The following LEKR1 variants were observed in gnomAD, a reference collection of about 807,000 sequenced individuals.
LEKR1 encodes leucine, glutamate and lysine rich 1, also known as protein LEKR1.
LEKR1 carries 59 observed loss-of-function variants against 72.4 expected under a neutral mutation model. The ratio of observed to expected loss-of-function variants is 0.82; its 90% CI spans 0.66 to 1.01. The LOEUF (loss-of-function observed/expected upper bound fraction) is 1.01. Among genes scored for constraint, LEKR1 ranks in the 50% least tolerant of loss-of-function variants. LEKR1 has a pLI of 0.00. For synonymous variants in LEKR1, 257 were observed against 263.2 expected (o/e 0.98, Z 0.23); for missense variants, 728 against 759.2 (o/e 0.96, Z 0.48).
intron 3 of LEKR1, among the ~76,000 whole-genome samples, chr3:156,883,028 G>A (rs1356621746): frequency 3.9e-5 from 6 of 152,192 alleles, no homozygotes; most frequent in Middle Eastern, 3.4e-3. Context: ...GGGAGAGATA[G>A]CATTGGGATA....
intron 10 of LEKR1, among the ~76,000 whole-genome samples, chr3:157,019,061 A>G (rs1733605092): frequency 6.6e-6 from 1 of 152,218 alleles, no homozygotes; most frequent in Non-Finnish European, 1.5e-5. Context: ...ATTTGCAATC[A>G]GTATTCATTT....
intron 3 of LEKR1, among the ~76,000 whole-genome samples, chr3:156,884,905 A>G (rs1576740486): frequency 6.6e-6 from 1 of 152,182 alleles, no homozygotes; most frequent in African/African-American, 2.4e-5. Context: ...TTCTTCCTCA[A>G]GAGCACCAAT....
At chr3:156,958,797 C>T (rs934238214) in intron 6 of LEKR1, among the ~76,000 whole-genome samples, 5 of 152,134 alleles carry the variant, frequency 3.3e-5, no homozygotes, top group African/African-American at 1.2e-4. Context: ...TAGCTTCACA[C>T]TGGTTTTATA....
chr3:157,004,253 G>A (rs373225011), intron 9 of LEKR1, among the ~76,000 whole-genome samples: 144 of 152,242 alleles, frequency 9.5e-4, no homozygotes, highest in African/African-American at 3.4e-3. Flanking sequence ...ATAATGATAA[G>A]TAGGTCAACT....
In LEKR1 at chr3:157,045,322, T is replaced by TC. The variant is rs1418985364; in HGVS notation, c.1669-14dup. ...GTTTAAAGCTAAGTCTGCTTTCTTT[T>TC]CCCCTCTCTCTTTTCAGAATACTTT... On this transcript the variant is annotated splice_polypyrimidine_tract_variant and intron_variant, in intron 12 of 12. Transcript: ENST00000356539. The TC allele has an allele frequency of 6.3e-7, 1 of 1,592,358 alleles. No individual in the cohort carries two copies. The highest frequency in any genetic ancestry group is 8.6e-7 in the Non-Finnish European group (1 of 1,167,786).
intron 2 of LEKR1, among the ~76,000 whole-genome samples, chr3:156,839,930 C>G (rs1195029928): frequency 6.6e-6 from 1 of 152,100 alleles, no homozygotes; most frequent in East Asian, 1.9e-4. Flanking sequence ...CCAAGCGTGC[C>G]TGTCTTTTTT....
chr3:156,936,425 GAA>G (rs1725703947), intron 5 of LEKR1, among the ~76,000 whole-genome samples: 1 of 100,170 alleles, frequency 1.0e-5, no homozygotes, highest in Admixed American at 1.1e-4. Context: ...TGTACAATGA[GAA>G]CACACACACA....
At chr3:156,918,865 T>G (rs573660856) in intron 3 of LEKR1, among the ~76,000 whole-genome samples, 4 of 152,216 alleles carry the variant, frequency 2.6e-5, no homozygotes, top group Admixed American at 1.3e-4. Flanking sequence ...TGTTACAGTT[T>G]GGATGTGGTT....
At chr3:156,892,108 G>T (rs151202533) in intron 3 of LEKR1, among the ~76,000 whole-genome samples, 6 of 152,100 alleles carry the variant, frequency 3.9e-5, no homozygotes, top group Non-Finnish European at 8.8e-5. Context: ...TTGAATTCAG[G>T]CCTGAAGTCA....
chr3:157,000,090 A>G (rs960000748), intron 9 of LEKR1, among the ~76,000 whole-genome samples: 7 of 152,118 alleles, frequency 4.6e-5, no homozygotes, highest in Non-Finnish European at 8.8e-5. Flanking sequence ...GCAGAAAGCA[A>G]CGCTCTTTTT....
At chr3:156,844,468 C>T (rs1270814221) in intron 2 of LEKR1, among the ~76,000 whole-genome samples, 1 of 152,120 alleles carries the variant, frequency 6.6e-6, no homozygotes, top group African/African-American at 2.4e-5. Context: ...TTCATCACAA[C>T]AAGGATTTTT....
At chr3:156,911,430 A>G (rs2108568562) in intron 3 of LEKR1, among the ~76,000 whole-genome samples, 1 of 152,144 alleles carries the variant, frequency 6.6e-6, no homozygotes, top group Non-Finnish European at 1.5e-5. Context: ...TAGTTTGTGA[A>G]TGTTTTCTCC....
chr3:156,917,333 C>T (rs914047285), intron 3 of LEKR1, among the ~76,000 whole-genome samples: 12 of 152,024 alleles, frequency 7.9e-5, no homozygotes, highest in African/African-American at 2.9e-4. Flanking sequence ...ATCATTCTCC[C>T]TAGGGTAAAT....
chr3:156,898,515 G>A (rs763029111), intron 3 of LEKR1, among the ~76,000 whole-genome samples: 5 of 152,138 alleles, frequency 3.3e-5, no homozygotes, highest in Admixed American at 6.5e-5. Flanking sequence ...ACCAGACACC[G>A]GACCTGCCGG....
At chr3:156,970,225 C>T (rs1729035788) in intron 6 of LEKR1, among the ~76,000 whole-genome samples, 1 of 152,150 alleles carries the variant, frequency 6.6e-6, no homozygotes, top group South Asian at 2.1e-4. Flanking sequence ...ACAGGGATGC[C>T]CTCTCTCACC....
intron 10 of LEKR1, among the ~76,000 whole-genome samples, chr3:157,020,398 G>A (rs9756110): frequency 0.6 from 80,006 of 132,722 alleles, 24,977 homozygotes; most frequent in South Asian, 0.78. Flanking sequence ...ATTTAGCATT[G>A]GGTATATCTC....
intron 3 of LEKR1, among the ~76,000 whole-genome samples, chr3:156,853,755 A>G (rs1002004476): frequency 2.6e-5 from 4 of 152,058 alleles, no homozygotes; most frequent in Admixed American, 1.3e-4. Context: ...GTTGAGCCAG[A>G]TATTTCTTAG....
intron 7 of LEKR1, among the ~76,000 whole-genome samples, chr3:156,981,799 T>G (rs577175438): frequency 6.6e-6 from 1 of 152,342 alleles, no homozygotes; most frequent in African/African-American, 2.4e-5. Flanking sequence ...AAACAGTTCA[T>G]TCAAAAAATT....
At chr3:156,924,697 T>TAGCCA in intron 4 of LEKR1, 1 of 418,808 alleles carries the variant, frequency 2.4e-6, no homozygotes, top group Non-Finnish European at 4.2e-6. Flanking sequence ...GTGCTGTTTG[T>TAGCCA]TAGAGGCCAA....
Sources: gnomAD v4.1 joint callset for allele counts (sites outside exome capture counted in the v4.1 genomes callset) on GRCh38, gnomAD v4.1.1 for gene constraint, MANE v1.5 for transcripts, NCBI Gene and HGNC (gene_info 2026-07-23, HGNC 2026-07-21) for gene names.